The following LGR4 variants were observed in gnomAD, a reference collection of about 807,000 sequenced individuals.
LGR4 encodes the protein leucine rich repeat containing G protein-coupled receptor 4, also known as leucine-rich repeat-containing G protein-coupled receptor 4.
Under a neutral mutation model 84.8 loss-of-function variants are expected in LGR4, and 44 were observed. The ratio of observed to expected loss-of-function variants is 0.52; its 90% confidence interval spans 0.41 to 0.67. The LOEUF (loss-of-function observed/expected upper bound fraction) is 0.67. Among genes scored for constraint, LGR4 ranks in the 30% least tolerant of loss-of-function variants. LGR4 has a pLI of 0.00. For missense variants in LGR4, 1,032 were observed against 1,131.4 expected, an observed-to-expected ratio of 0.91 and a Z score of 1.26; for synonymous variants, 429 against 434.3, an observed-to-expected ratio of 0.99 and a Z score of 0.15.
intron 2 of LGR4, among the ~76,000 whole-genome samples, chr11:27,398,601 C>T (rs1863435868): frequency 6.6e-6 from 1 of 152,098 alleles, no homozygotes; most frequent in Admixed American, 6.6e-5. Context: ...AGACGTCGGG[C>T]AGAAAAAGCA....
chr11:27,406,333 T>G lies in LGR4; in HGVS notation c.257+6456A>C, dbSNP rs572927549. 1.1e-4 allele frequency among the ~76,000 whole-genome samples: 16 copies of G among 152,230 alleles called. No homozygotes were observed. The South Asian group carries it at 3.3e-3, about 32-fold the overall frequency. ...AAAGTTTGTTGAATTTACTATACAT[T>G]GTCTAGCAAGTCCTTCCTCACCCTC... On this transcript the variant is annotated intron_variant, in intron 2 of 17. Transcript: ENST00000379214.
intron 1 of LGR4, among the ~76,000 whole-genome samples, chr11:27,452,793 T>A (rs1864508981): frequency 6.7e-6 from 1 of 149,756 alleles, no homozygotes; most frequent in East Asian, 2.0e-4. Flanking sequence ...CCGGCTAATT[T>A]TTTTTTTTTT....
At chr11:27,382,393 C>T in intron 6 of LGR4, 137 bp from the exon 7 acceptor site, 1 of 604,588 alleles carries the variant, frequency 1.7e-6, no homozygotes, top group Non-Finnish European at 2.9e-6. Flanking sequence ...TATCGTCATT[C>T]AAAACCATGT....
chr11:27,441,956 C>A (rs1406780900), intron 1 of LGR4, among the ~76,000 whole-genome samples: 7 of 152,176 alleles, frequency 4.6e-5, no homozygotes, highest in Non-Finnish European at 1.0e-4. Context: ...AACTAAAGGT[C>A]AGGGACCACA....
chr11:27,382,333 G>C, intron 6 of LGR4, 77 bp from the exon 7 acceptor site: 5 of 955,722 alleles, frequency 5.2e-6, no homozygotes, highest in Non-Finnish European at 8.3e-6. Context: ...TTACAGACAA[G>C]TATTTTTTTA....
intron 6 of LGR4, 83 bp downstream of exon 6, chr11:27,384,253 T>C (rs888176989): frequency 3.3e-5 from 28 of 857,828 alleles, no homozygotes; most frequent in Non-Finnish European, 4.6e-5. Flanking sequence ...TTAAGGCCAA[T>C]ATTTTTTTCT....
At position 27,401,189 on chromosome 11, in the gene LGR4, T is replaced by C. The variant is rs925178042; in HGVS notation, c.258-8671A>G. 4.6e-5 allele frequency among the ~76,000 whole-genome samples: 7 copies of C among 152,212 alleles called. 1 individual carries two copies. The highest frequency in any genetic ancestry group is 1.0e-4 in the Non-Finnish European group (7 of 68,040). On this transcript the variant is annotated intron_variant, in intron 2 of 17. Coordinates refer to ENST00000379214, the MANE Select transcript of LGR4 (RefSeq NM_018490.5). ...TTCATATTATATATTTCCATTTAAA[T>C]GCACAACAATGAAAGCAGTAATGCT... is the stretch of plus-strand genomic sequence containing the variant.
At position 27,391,150 on chromosome 11, in the gene LGR4, A is replaced by G; in HGVS notation, c.345T>C (p.Asn115=). The part of the protein sequence containing the change: ...KELKVLTLQN[N]QLKTVPSEAI... ...CTTCACTGGGTACTGTTTTCAACTG[A>G]TTATTCTGGAGCGTTCTGAAAGAAA... Residue 115 remains asparagine, a synonymous_variant, in exon 4 of 18, where the codon AAT becomes AAC. Coordinates refer to ENST00000379214, the MANE Select transcript of LGR4 (RefSeq NM_018490.5). 1.2e-6 allele frequency: 2 copies of G among 1,605,308 alleles called. No individual in the cohort carries two copies. The highest frequency in any genetic ancestry group is 4.5e-5 in the East Asian group (2 of 44,636).
chr11:27,469,081 C>T (rs1166990070), intron 1 of LGR4, among the ~76,000 whole-genome samples: 7 of 152,152 alleles, frequency 4.6e-5, no homozygotes, highest in Non-Finnish European at 4.4e-5. Flanking sequence ...GAACACTCCT[C>T]GGGGTGAATT....
At chr11:27,396,017 T>C (rs937172781) in intron 2 of LGR4, among the ~76,000 whole-genome samples, 1 of 152,234 alleles carries the variant, frequency 6.6e-6, no homozygotes, top group East Asian at 1.9e-4. Context: ...GACACTGTGA[T>C]ACTGATAGCT....
At chr11:27,458,362 G>A (rs1374635888) in intron 1 of LGR4, among the ~76,000 whole-genome samples, 1 of 152,122 alleles carries the variant, frequency 6.6e-6, no homozygotes, top group Admixed American at 6.6e-5. Context: ...CTACAGAGAG[G>A]CATGGAAATT....
intron 1 of LGR4, among the ~76,000 whole-genome samples, chr11:27,419,043 G>A (rs979738529): frequency 6.6e-5 from 10 of 151,926 alleles, no homozygotes; most frequent in African/African-American, 2.4e-4. Context: ...TCACTGTGTT[G>A]CCCAGGCTGG....
intron 4 of LGR4, among the ~76,000 whole-genome samples, chr11:27,386,731 G>A (rs1366621453): frequency 6.6e-6 from 1 of 151,902 alleles, no homozygotes; most frequent in African/African-American, 2.4e-5. Context: ...AGGGTTTAAA[G>A]ATCATTGGTC....
chr11:27,369,184 C>G, intron 17 of LGR4, 41 bp from the exon 18 acceptor site: 1 of 1,451,028 alleles, frequency 6.9e-7, no homozygotes, highest in Non-Finnish European at 9.2e-7. Context: ...TAAAAGATAA[C>G]TTAGAAAACA....
chr11:27,401,744 C>G (rs1003669950), intron 2 of LGR4, among the ~76,000 whole-genome samples: 1 of 152,066 alleles, frequency 6.6e-6, no homozygotes, highest in African/African-American at 2.4e-5. Context: ...GAGAAGAAAT[C>G]CTTTGTCTTA....
chr11:27,388,044 T>C (rs1871249), intron 4 of LGR4, among the ~76,000 whole-genome samples: 86,552 of 151,998 alleles, frequency 0.57, 25,670 homozygotes, highest in East Asian at 0.87. Context: ...CAAAATAGCA[T>C]AATACAACAA....
intron 7 of LGR4, among the ~76,000 whole-genome samples, chr11:27,381,692 A>G (rs1424548351): frequency 1.7e-5 from 2 of 118,194 alleles, no homozygotes; most frequent in Non-Finnish European, 3.5e-5. Flanking sequence ...TCCGTCTCAA[A>G]ACATACAAAC....
intron 1 of LGR4, 93 bp downstream of exon 1, chr11:27,472,020 CGGGGT>C: frequency 1.1e-6 from 1 of 870,948 alleles, no homozygotes; most frequent in Non-Finnish European, 1.5e-6. Context: ...GGCGGCGGGG[CGGGGT>C]GGGGTGGGAC....
At chr11:27,380,556 T>C in intron 9 of LGR4, 84 bp downstream of exon 9, 2 of 1,003,984 alleles carry the variant, frequency 2.0e-6, no homozygotes, top group Non-Finnish European at 3.0e-6. Context: ...GATTTTGTTT[T>C]CTGGAGTTCC....
Sources: allele counts gnomAD v4.1 joint callset (sites outside exome capture counted in the v4.1 genomes callset), GRCh38; gene constraint gnomAD v4.1.1; transcripts MANE v1.5; gene names NCBI Gene and HGNC (gene_info 2026-07-23, HGNC 2026-07-21).